The following CLYBL variants were observed in gnomAD, a reference collection of about 807,000 sequenced individuals.
The protein encoded by CLYBL is citramalyl-CoA lyase, mitochondrial.
Under a neutral mutation model 38.9 loss-of-function variants are expected in CLYBL, and 31 were observed. The observed-to-expected ratio is 0.80, with a 90% CI of 0.60 to 1.08. The LOEUF is 1.08. CLYBL is among the 50% of genes least tolerant of loss of function. CLYBL has a pLI of 0.00. For missense variants in CLYBL, 434 were observed against 411.6 expected, an observed-to-expected ratio of 1.05 and a Z score of -0.47; for synonymous variants, 171 against 158.6, an observed-to-expected ratio of 1.08 and a Z score of -0.59.
intron 1 of CLYBL, among the ~76,000 whole-genome samples, chr13:99,704,821 T>C (rs1324353721): frequency 6.6e-6 from 1 of 152,216 alleles, no homozygotes; most frequent in East Asian, 1.9e-4. Context: ...ACTTCTTTCA[T>C]ATGCACAGGT....
chr13:99,674,306 C>T (rs955097976), intron 1 of CLYBL, among the ~76,000 whole-genome samples: 2 of 151,820 alleles, frequency 1.3e-5, no homozygotes, highest in Middle Eastern at 3.2e-3. Context: ...CACGTGCCAC[C>T]ATGCCTGGCT....
intron 1 of CLYBL, among the ~76,000 whole-genome samples, chr13:99,666,733 G>A (rs2047487540): frequency 6.6e-6 from 1 of 152,124 alleles, no homozygotes; most frequent in Non-Finnish European, 1.5e-5. Context: ...ATCAGATGTA[G>A]CAGGTGTCAA....
chr13:99,682,205 G>A (rs535184191), intron 1 of CLYBL, among the ~76,000 whole-genome samples: 15 of 151,196 alleles, frequency 9.9e-5, no homozygotes, highest in African/African-American at 3.2e-4. Context: ...ATGCAGTGGC[G>A]CAGTCTCGGC....
intron 2 of CLYBL, among the ~76,000 whole-genome samples, chr13:99,854,301 G>T (rs1489040373): frequency 1.3e-5 from 2 of 151,884 alleles, no homozygotes; most frequent in East Asian, 3.9e-4. Flanking sequence ...ATGAAACTGT[G>T]ATAATGCTAT....
chr13:99,823,871 A>G (rs1270557788), intron 2 of CLYBL, among the ~76,000 whole-genome samples: 1 of 152,150 alleles, frequency 6.6e-6, no homozygotes, highest in Non-Finnish European at 1.5e-5. Flanking sequence ...TGCCCAGTAA[A>G]TCGTTCTGGT....
chr13:99,859,850 C>G (rs561483432), intron 3 of CLYBL, among the ~76,000 whole-genome samples: 9 of 152,246 alleles, frequency 5.9e-5, no homozygotes, highest in Non-Finnish European at 1.0e-4. Flanking sequence ...CTGTGTTGTT[C>G]TGGGACAGAA....
intron 1 of CLYBL, among the ~76,000 whole-genome samples, chr13:99,678,681 A>G (rs143997276): frequency 9.2e-5 from 14 of 152,356 alleles, no homozygotes; most frequent in African/African-American, 3.1e-4. Context: ...CCAAACTGAA[A>G]TCAGGAAAGT....
intron 1 of CLYBL, among the ~76,000 whole-genome samples, chr13:99,732,657 C>T (rs1444128857): frequency 3.3e-5 from 5 of 152,060 alleles, no homozygotes; most frequent in African/African-American, 2.4e-5. Context: ...CCTATTAACT[C>T]AAGGTGTTAC....
At chr13:99,709,406 G>A (rs778499749) in intron 1 of CLYBL, among the ~76,000 whole-genome samples, 2 of 152,148 alleles carry the variant, frequency 1.3e-5, no homozygotes, top group Admixed American at 6.5e-5. Context: ...TGGCAGCACC[G>A]TCCTCCGCTA....
Position 99,869,221 on chromosome 13 carries a change from A to G in CLYBL, c.803-1717A>G, listed in dbSNP as rs2051825564. On this transcript the variant is annotated intron_variant, in intron 6 of 8. Transcript: ENST00000339105. The surrounding 1 kb of genome is among the most constrained non-coding windows in gnomAD (Gnocchi z 4.3). ...AGGTACTGGAGGATGGAGAGCTAGC[A>G]GTGATTTCACAGTATTTTAAGTAGT... Among the ~76,000 whole-genome samples the G allele has an allele frequency of 5.9e-5, 9 of 152,206 alleles. No homozygotes were observed. The highest frequency in any genetic ancestry group is 3.9e-4 in the Admixed American group (6 of 15,276).
At chr13:99,755,811 C>G (rs1188089352) in intron 1 of CLYBL, among the ~76,000 whole-genome samples, 1 of 152,146 alleles carries the variant, frequency 6.6e-6, no homozygotes, top group Admixed American at 6.5e-5. Flanking sequence ...CTGCATGTTC[C>G]TGGGATGGGG....
intron 1 of CLYBL, among the ~76,000 whole-genome samples, chr13:99,701,118 C>T (rs1165203041): frequency 6.6e-6 from 1 of 152,080 alleles, no homozygotes; most frequent in Non-Finnish European, 1.5e-5. Flanking sequence ...CTTGGGTGCC[C>T]TCAGGGGCAA....
intron 1 of CLYBL, among the ~76,000 whole-genome samples, chr13:99,745,663 G>GA (rs770286688): frequency 1.3e-5 from 2 of 152,046 alleles, no homozygotes; most frequent in Non-Finnish European, 2.9e-5. Context: ...AATTAAGAAG[G>GA]AAAAAACAAT....
At chr13:99,795,676 C>A (rs931628777) in intron 2 of CLYBL, among the ~76,000 whole-genome samples, 11 of 152,064 alleles carry the variant, frequency 7.2e-5, no homozygotes, top group Non-Finnish European at 1.0e-4. Context: ...AACAAAAACT[C>A]TCCCTAAACA....
intron 1 of CLYBL, among the ~76,000 whole-genome samples, chr13:99,664,063 G>A (rs2047446075): frequency 6.6e-6 from 1 of 152,220 alleles, no homozygotes; most frequent in African/African-American, 2.4e-5. Flanking sequence ...GAAAAAGTCA[G>A]TGGTTCCAGC....
intron 2 of CLYBL, among the ~76,000 whole-genome samples, chr13:99,822,777 GA>G (rs779047948): frequency 3.3e-5 from 5 of 152,184 alleles, no homozygotes; most frequent in Non-Finnish European, 5.9e-5. Flanking sequence ...AGCTCATAAT[GA>G]AAATTAGCCT....
chr13:99,846,669 G>C (rs1292343145), intron 2 of CLYBL, among the ~76,000 whole-genome samples: 1 of 152,226 alleles, frequency 6.6e-6, no homozygotes, highest in East Asian at 1.9e-4. Context: ...TCTGCCGCTG[G>C]CTGAAATTAG....
At position 99,675,674 on chromosome 13, in the gene CLYBL, G is replaced by T. The variant is rs1594113874; in HGVS notation, c.62+68917G>T. ...CTTTCACTTAGTATAATGTTTTCAA[G>T]CTTCATCCAAGCTGTAGCATGTGGC... On this transcript the variant is annotated intron_variant, in intron 1 of 8. Coordinates refer to ENST00000339105, the MANE Select transcript of CLYBL (RefSeq NM_206808.5). Among the ~76,000 whole-genome samples, 3 of 152,338 alleles carry T rather than the reference G, an allele frequency of 2.0e-5. 1 individual carries two copies. The South Asian group carries it at 6.2e-4, about 32-fold the overall frequency.
At chr13:99,731,590 A>G (rs532946310) in intron 1 of CLYBL, among the ~76,000 whole-genome samples, 3 of 152,254 alleles carry the variant, frequency 2.0e-5, no homozygotes, top group South Asian at 4.1e-4. Flanking sequence ...GACATTGGCC[A>G]CTGTTTAAGC....
Sources: gnomAD v4.1 joint callset for allele counts (sites outside exome capture counted in the v4.1 genomes callset) on GRCh38, gnomAD v4.1.1 for gene constraint, Gnocchi (gnomAD v3.1) non-coding constraint, MANE v1.5 for transcripts, NCBI Gene and HGNC (gene_info 2026-07-23, HGNC 2026-07-21) for gene names.